FLACC1: variants seen among roughly 807,000 people sequenced by gnomAD.
FLACC1 encodes flagellum-associated coiled-coil domain-containing protein 1.
A neutral mutation model predicts 62.8 loss-of-function variants in FLACC1; 66 were observed. The ratio of observed to expected loss-of-function variants is 1.05; its 90% CI spans 0.86 to 1.29. The LOEUF is 1.29. Ranked by LOEUF, FLACC1 falls within the 50% of genes most tolerant of loss-of-function variation. The pLI, the probability that FLACC1 is intolerant of heterozygous loss-of-function variation, is 0.00. For synonymous variants in FLACC1, 156 were observed against 161.0 expected, an observed-to-expected ratio of 0.97 and a Z score of 0.24; for missense variants, 452 against 489.1, an observed-to-expected ratio of 0.92 and a Z score of 0.71.
At position 201,346,270 on chromosome 2, in the gene FLACC1, G is replaced by A. The variant is rs1193673360; in HGVS notation, c.368+272C>T. ...CTATTCTATCTATTCCTCACCCCAC[G>A]AACAATTGCTATCCTTTGGGATCAA... On this transcript the variant is annotated intron_variant, in intron 5 of 14. Coordinates refer to ENST00000392257, the MANE Select transcript of FLACC1 (RefSeq NM_001127391.3). This position sits in a 1 kb window ranked among gnomAD's most constrained non-coding sequence, Gnocchi z 4.0. 2.6e-5 allele frequency among the ~76,000 whole-genome samples: 4 copies of A among 152,028 alleles called. No homozygotes were observed. The highest frequency in any genetic ancestry group is 1.3e-4 in the Admixed American group (2 of 15,260).
Position 201,331,918 on chromosome 2 carries a change from G to C in FLACC1, c.525-1085C>G, listed in dbSNP as rs999990618. Reference sequence around the variant, plus strand: ...TTATAACAAATGTTACCACTTTTGGGGATATTGATAATGGGGGAAGCTATG... The same window carrying C: ...TTATAACAAATGTTACCACTTTTGGCGATATTGATAATGGGGGAAGCTATG... On this transcript the variant is annotated intron_variant, in intron 7 of 14. Transcript: ENST00000392257. 2.0e-5 allele frequency among the ~76,000 whole-genome samples: 3 copies of C among 152,074 alleles called. No individual in the cohort carries two copies. In the East Asian group the frequency reaches 5.8e-4, roughly 29 times the overall value.
In FLACC1 at chr2:201,330,539, C is replaced by A. The variant is rs1437091544; in HGVS notation, c.623-17G>T. ...CCATCTCCTCTGGATAAAAGGAAAA[C>A]AACAGGATCATCATTAGTCTTCTGA... On this transcript the variant is annotated splice_polypyrimidine_tract_variant and intron_variant, in intron 8 of 14. Coordinates refer to ENST00000392257, the MANE Select transcript of FLACC1 (RefSeq NM_001127391.3). The A allele has an allele frequency of 6.2e-7, 1 of 1,611,642 alleles. No individual in the cohort carries two copies. Among genetic ancestry groups the A allele is most frequent in the Admixed American group, 1.7e-5 (1 of 59,644 alleles).
chr2:201,363,060 T>G, the FLACC1 span, among the ~76,000 whole-genome samples: 1 of 152,160 alleles, frequency 6.6e-6, no homozygotes, highest in East Asian at 1.9e-4. Context: ...CCCCTGAGAT[T>G]GTGGTGCAGC....
intron 9 of FLACC1, among the ~76,000 whole-genome samples, chr2:201,320,684 T>C (rs1326085353): frequency 1.3e-5 from 2 of 152,182 alleles, no homozygotes; most frequent in Non-Finnish European, 2.9e-5. Context: ...CTGCTTGCCC[T>C]GCACAGGGAG....
intron 7 of FLACC1, among the ~76,000 whole-genome samples, chr2:201,339,995 T>C (rs1950774229): frequency 6.6e-6 from 1 of 152,124 alleles, no homozygotes; most frequent in African/African-American, 2.4e-5. Flanking sequence ...GTATTGGCAA[T>C]GGCTATGAGA....
chr2:201,359,122 T>A (rs1576491242), upstream of FLACC1, among the ~76,000 whole-genome samples: 2 of 152,170 alleles, frequency 1.3e-5, no homozygotes, highest in Admixed American at 6.5e-5. Context: ...GAAGACATGA[T>A]AGAACTTGGT....
chr2:201,304,087 A>C (rs1410942625), intron 11 of FLACC1, among the ~76,000 whole-genome samples: 2 of 152,236 alleles, frequency 1.3e-5, no homozygotes, highest in Non-Finnish European at 2.9e-5. Flanking sequence ...CAGGGCAATG[A>C]GGCAGGAGAA....
Position 201,330,758 on chromosome 2 carries a change from C to G in FLACC1, c.600G>C (p.Lys200Asn). Residue 200 changes from lysine (K) to asparagine (N), a missense_variant, in exon 8 of 15, where the codon AAG becomes AAC. Lys to Asn is a moderately conservative substitution (Grantham distance 94). Transcript: ENST00000392257. The part of the protein sequence containing the change: ...NNYKAALKAE[K>N]LAAQEKLEEM... ...TACCTAGCTTCTCTTGGGCAGCCAA[C>G]TTCTCTGCCTTCAAGGCTGCTTTGT... The G allele has an allele frequency of 6.2e-7, 1 of 1,613,992 alleles. No individual in the cohort carries two copies.
chr2:201,346,454 G>T lies in FLACC1; in HGVS notation c.368+88C>A, dbSNP rs911108141. On this transcript the variant is annotated intron_variant, in intron 5 of 14. Transcript: ENST00000392257. The surrounding 1 kb of genome is among the most constrained non-coding windows in gnomAD (Gnocchi z 4.0). ...AGCAGGGACCAGTGGCCTGGGTGTG[G>T]GCATAGCGGCTTTGGCTTGTCCCTG... The T allele has an allele frequency of 1.9e-6, 3 of 1,572,024 alleles. No homozygotes were observed. Among genetic ancestry groups the T allele is most frequent in the Non-Finnish European group, 2.6e-6 (3 of 1,162,848 alleles).
chr2:201,344,261 G>A lies in FLACC1; in HGVS notation c.371C>T (p.Thr124Ile), dbSNP rs768999268. Residue 124 changes from threonine (T) to isoleucine (I), a missense_variant and splice_region_variant, in exon 6 of 15, where the codon ACC becomes ATC. Physicochemically the swap from Thr to Ile is moderately conservative, Grantham distance 89 (BLOSUM62 -1). Around this residue, in one of 3 missense-constraint regions of FLACC1, gnomAD observed 147 missense variants for 152.7 expected, o/e 0.96. Coordinates refer to ENST00000392257, the MANE Select transcript of FLACC1 (RefSeq NM_001127391.3). The stretch of plus-strand genomic sequence containing the variant: ...CTCTTCTAGGTCAGAAATGATGTTG[G>A]TCCTGTAGGAGAAGTAATTCTTCTA... ...EIPDKGRFSR[T>I]NIISDLEEQI... 7 of 1,608,882 alleles carry A rather than the reference G, an allele frequency of 4.4e-6. No homozygotes were observed. Among genetic ancestry groups the A allele is most frequent in the Non-Finnish European group, 6.0e-6 (7 of 1,175,458 alleles).
In FLACC1 at chr2:201,350,757, T is replaced by C. The variant is rs1479842673; in HGVS notation, c.139A>G (p.Lys47Glu). 1 of 1,613,608 alleles carries C rather than the reference T, an allele frequency of 6.2e-7. No homozygotes were observed. The highest frequency in any genetic ancestry group is 1.3e-5 in the African/African-American group (1 of 74,924). The part of the protein sequence containing the change: ...SKLTPLVPAP[K>E]NHNYLQPTKP... ...GTTGGTTGGAGGTAATTGTGATTTT[T>C]TGGAGCTGGTACAAGAGGAGTTAGC... The change falls in exon 3 of 15, where the codon AAA becomes GAA. Residue 47 changes from lysine (K) to glutamate (E), a missense_variant. By Grantham distance (56) the Lys-to-Glu change is moderately conservative. Around this residue, in one of 3 missense-constraint regions of FLACC1, gnomAD observed 147 missense variants for 152.7 expected, o/e 0.96. Coordinates refer to ENST00000392257, the MANE Select transcript of FLACC1 (RefSeq NM_001127391.3).
chr2:201,292,517 T>G (rs1949759703), intron 12 of FLACC1, among the ~76,000 whole-genome samples: 1 of 152,124 alleles, frequency 6.6e-6, no homozygotes, highest in African/African-American at 2.4e-5. Flanking sequence ...AAAGAGCTCC[T>G]GAAGGAAACA....
Position 201,312,768 on chromosome 2 carries a change from G to A in FLACC1, c.676-3518C>T, listed in dbSNP as rs376966995. ...AGAGCAGCATGTGGAGTCTTGCATC[G>A]TGAACTTTTGCTCCAGAACTACTGC... On this transcript the variant is annotated intron_variant, in intron 9 of 14. Coordinates refer to ENST00000392257, the MANE Select transcript of FLACC1 (RefSeq NM_001127391.3). 2.2e-4 allele frequency among the ~76,000 whole-genome samples: 34 copies of A among 152,326 alleles called. No individual in the cohort carries two copies. In the East Asian group the frequency reaches 4.4e-3, roughly 20 times the overall value.
chr2:201,295,751 C>T (rs1377210974), intron 12 of FLACC1, among the ~76,000 whole-genome samples: 2 of 152,122 alleles, frequency 1.3e-5, no homozygotes, highest in Non-Finnish European at 2.9e-5. Flanking sequence ...AAAATTTTTG[C>T]AACCTACTCA....
chr2:201,321,337 C>T (rs1240004474), intron 9 of FLACC1, among the ~76,000 whole-genome samples: 1 of 152,174 alleles, frequency 6.6e-6, no homozygotes, highest in Non-Finnish European at 1.5e-5. Context: ...TGCACCACAT[C>T]AAGAGAACAC....
At chr2:201,290,244 T>C (rs568710682) in intron 12 of FLACC1, among the ~76,000 whole-genome samples, 1 of 152,180 alleles carries the variant, frequency 6.6e-6, no homozygotes, top group Non-Finnish European at 1.5e-5. Context: ...ACCCACAGAA[T>C]GTACAACACA....
At chr2:201,308,470 C>A (rs896822195) in intron 10 of FLACC1, among the ~76,000 whole-genome samples, 1 of 152,118 alleles carries the variant, frequency 6.6e-6, no homozygotes, top group Non-Finnish European at 1.5e-5. Flanking sequence ...TTGTTAAAAT[C>A]AACTAAATCT....
At chr2:201,332,233 G>A (rs1950608557) in intron 7 of FLACC1, among the ~76,000 whole-genome samples, 1 of 151,634 alleles carries the variant, frequency 6.6e-6, no homozygotes, top group Admixed American at 6.6e-5. Context: ...GTCATCACCT[G>A]AAATACTTTA....
intron 11 of FLACC1, among the ~76,000 whole-genome samples, chr2:201,300,358 C>T (rs2080302): frequency 0.34 from 50,957 of 152,034 alleles, 10,128 homozygotes; most frequent in East Asian, 0.48. Flanking sequence ...AATGGCAAGG[C>T]AGCAGTGAGG....
Sources: allele counts gnomAD v4.1 joint callset (sites outside exome capture counted in the v4.1 genomes callset), GRCh38; gene constraint gnomAD v4.1.1; regional missense constraint gnomAD v4.1.1; non-coding constraint Gnocchi (gnomAD v3.1); transcripts MANE v1.5; gene names NCBI Gene and HGNC (gene_info 2026-07-23, HGNC 2026-07-21).